Variants in RIPOR2 observed in about 807,000 individuals in gnomAD.
RIPOR2 encodes the protein rho family-interacting cell polarization regulator 2.
RIPOR2 carries 39 observed loss-of-function variants against 114.5 expected under a neutral mutation model. That is an observed-to-expected ratio of 0.34 (90% CI 0.26 to 0.44). The LOEUF (loss-of-function observed/expected upper bound fraction) is 0.44. Among genes scored for constraint, RIPOR2 ranks in the 20% least tolerant of loss-of-function variants. The pLI, the probability that RIPOR2 is intolerant of heterozygous loss-of-function variation, is 1.00. For synonymous variants in RIPOR2, 445 were observed against 484.4 expected (o/e 0.92, Z 1.07); for missense variants, 1,007 against 1,255.1 (o/e 0.80, Z 2.99).
chr6:24,944,771 T>A (rs1772324082), intron 1 of RIPOR2, among the ~76,000 whole-genome samples: 1 of 151,584 alleles, frequency 6.6e-6, no homozygotes, highest in Non-Finnish European at 1.5e-5. Flanking sequence ...CAGTAGAAAG[T>A]CAAAAACAAA....
intron 1 of RIPOR2, chr6:25,041,845 A>C (rs1259741139): frequency 5.7e-6 from 4 of 702,312 alleles, no homozygotes; most frequent in Non-Finnish European, 1.0e-5. Flanking sequence ...CAGACGGGAC[A>C]CTCACGGTTG....
At chr6:24,913,730 G>A (rs117984731) in intron 1 of RIPOR2, among the ~76,000 whole-genome samples, 74 of 152,186 alleles carry the variant, frequency 4.9e-4, no homozygotes, top group East Asian at 1.5e-3. Flanking sequence ...TTCTGCTTGC[G>A]CCCATTCTCT....
At chr6:24,991,389 C>T (rs1278522057) in intron 1 of RIPOR2, among the ~76,000 whole-genome samples, 1 of 152,042 alleles carries the variant, frequency 6.6e-6, no homozygotes, top group Non-Finnish European at 1.5e-5. Context: ...AGTCTGTGAG[C>T]CATTCTGTTG....
intron 1 of RIPOR2, among the ~76,000 whole-genome samples, chr6:24,930,313 C>T (rs1406541201): frequency 2.0e-5 from 3 of 152,196 alleles, no homozygotes; most frequent in Admixed American, 1.3e-4. Flanking sequence ...AGAAGACATA[C>T]TCTAGTATAT....
chr6:24,910,001 A>G (rs1041098333), intron 1 of RIPOR2, among the ~76,000 whole-genome samples: 1 of 151,874 alleles, frequency 6.6e-6, no homozygotes, highest in African/African-American at 2.4e-5. Context: ...TCTAATTTCA[A>G]AATGCACCTA....
chr6:25,005,763 G>A (rs1775539403), intron 1 of RIPOR2, among the ~76,000 whole-genome samples: 1 of 104,126 alleles, frequency 9.6e-6, no homozygotes, highest in Non-Finnish European at 2.0e-5. Context: ...CAAAAGATAT[G>A]CCATTATATA....
intron 1 of RIPOR2, among the ~76,000 whole-genome samples, chr6:25,002,447 C>T (rs1426828365): frequency 6.6e-6 from 1 of 152,198 alleles, no homozygotes; most frequent in Non-Finnish European, 1.5e-5. Context: ...ATATGTTCAA[C>T]ATGCTTTAGG....
intron 1 of RIPOR2, among the ~76,000 whole-genome samples, chr6:25,011,303 C>T (rs995632798): frequency 6.6e-6 from 1 of 152,016 alleles, no homozygotes; most frequent in Non-Finnish European, 1.5e-5. Flanking sequence ...ATAATGTGTG[C>T]ATATATGTGT....
intron 7 of RIPOR2, among the ~76,000 whole-genome samples, chr6:24,863,111 C>T (rs778846619): frequency 6.6e-6 from 1 of 152,158 alleles, no homozygotes; most frequent in Non-Finnish European, 1.5e-5. Context: ...CGCCACCACG[C>T]CCGGCTAATT....
chr6:24,967,944 G>C (rs1275417571), intron 1 of RIPOR2, among the ~76,000 whole-genome samples: 1 of 132,328 alleles, frequency 7.6e-6, no homozygotes, highest in Non-Finnish European at 1.5e-5. Context: ...ATGGAGTCTC[G>C]CTCTGTCACC....
chr6:24,958,958 C>CTTTTTTTTTTTTTTTTTT (rs1554124803), intron 1 of RIPOR2, among the ~76,000 whole-genome samples: 9 of 123,178 alleles, frequency 7.3e-5, no homozygotes, highest in African/African-American at 2.1e-4. Flanking sequence ...TCTACATTTT[C>CTTTTTTTTTTTTTTTTTT]TTTTTTTTTT....
intron 13 of RIPOR2, 144 bp from the exon 14 acceptor site, chr6:24,839,416 ATCTT>A: frequency 7.0e-7 from 1 of 1,433,176 alleles, no homozygotes; most frequent in East Asian, 2.5e-5. Flanking sequence ...GCATTTAAAA[ATCTT>A]TATATCCAAA....
At chr6:24,980,755 C>T (rs563152210) in intron 1 of RIPOR2, among the ~76,000 whole-genome samples, 28 of 152,226 alleles carry the variant, frequency 1.8e-4, no homozygotes, top group Non-Finnish European at 3.5e-4. Context: ...CTTTGCTCCA[C>T]TCCCATCTCC....
intron 1 of RIPOR2, among the ~76,000 whole-genome samples, chr6:24,999,307 G>A (rs896335968): frequency 2.0e-5 from 3 of 152,188 alleles, no homozygotes; most frequent in African/African-American, 7.2e-5. Flanking sequence ...ACCTGCCAGT[G>A]CCATGACAGT....
chr6:24,991,909 C>T (rs993992013), intron 1 of RIPOR2, among the ~76,000 whole-genome samples: 1 of 152,168 alleles, frequency 6.6e-6, no homozygotes, highest in Admixed American at 6.5e-5. Context: ...CATCCCTCTT[C>T]TTGTACCTGA....
intron 1 of RIPOR2, chr6:24,910,991 T>A: frequency 4.1e-6 from 4 of 984,640 alleles, no homozygotes; most frequent in Non-Finnish European, 4.8e-6. Context: ...GGACGCGAGC[T>A]GTCCCCAGCG....
chr6:24,844,984 C>T (rs1475091499), intron 12 of RIPOR2, among the ~76,000 whole-genome samples: 2 of 151,836 alleles, frequency 1.3e-5, no homozygotes, highest in Non-Finnish European at 2.9e-5. Context: ...CAGCTGGGTC[C>T]CTGGTCCCAT....
chr6:24,922,858 CAAA>C lies in RIPOR2; in HGVS notation c.61+12977_61+12979del, dbSNP rs869160864. ...CCTGTGCAACAGAACAGGACAGTCT[CAAA>C]AAAAAAAAAAAAAAAAAAAAGGTAA... On this transcript the variant is annotated intron_variant, in intron 1 of 21. Coordinates refer to ENST00000643898, the MANE Select transcript of RIPOR2 (RefSeq NM_001286445.3). Among the ~76,000 whole-genome samples, 188 of 78,638 alleles carry C rather than the reference CAAA, an allele frequency of 2.4e-3. 1 individual carries two copies. Among genetic ancestry groups the C allele is most frequent in the South Asian group, 8.0e-3 (17 of 2,114 alleles). 51.6% of individuals were successfully genotyped at this position (78,638 alleles called of 152,430 possible).
intron 8 of RIPOR2, among the ~76,000 whole-genome samples, chr6:24,853,735 C>T (rs1763178410): frequency 6.6e-6 from 1 of 152,204 alleles, no homozygotes; most frequent in South Asian, 2.1e-4. Flanking sequence ...GTCGTTAATA[C>T]ATGGTAATGA....
Sources: gnomAD v4.1 joint callset for allele counts (sites outside exome capture counted in the v4.1 genomes callset) on GRCh38, gnomAD v4.1.1 for gene constraint, MANE v1.5 for transcripts, NCBI Gene and HGNC (gene_info 2026-07-23, HGNC 2026-07-21) for gene names.